Variants in CRB1 observed in about 807,000 individuals in gnomAD.
CRB1 encodes protein crumbs homolog 1.
CRB1 carries 83 observed loss-of-function variants against 120.0 expected under a neutral mutation model. The observed-to-expected ratio is 0.69, with a 90% CI of 0.58 to 0.83. The LOEUF is 0.83. Among genes scored for constraint, CRB1 ranks in the 40% least tolerant of loss-of-function variants. CRB1 has a pLI of 0.00. For synonymous variants in CRB1, 625 were observed against 612.5 expected (o/e 1.02, Z -0.30); for missense variants, 1,699 against 1,687.6 (o/e 1.01, Z -0.12).
intron 2 of CRB1, among the ~76,000 whole-genome samples, chr1:197,334,399 AGTATT>A (rs1000493544): frequency 1.3e-5 from 2 of 152,190 alleles, no homozygotes; most frequent in Non-Finnish European, 2.9e-5. Context: ...CCAATGCAAT[AGTATT>A]GGGAGGTGGG....
At chr1:197,236,555 TGAATAAGA>T in the CRB1 span, among the ~76,000 whole-genome samples, 21 of 152,282 alleles carry the variant, frequency 1.4e-4, no homozygotes, top group African/African-American at 4.8e-4. Context: ...AGCACCATGT[TGAATAAGA>T]GAGGTGAGGA....
chr1:197,389,299 T>C (rs1202772436), intron 5 of CRB1, among the ~76,000 whole-genome samples: 2 of 152,174 alleles, frequency 1.3e-5, no homozygotes. Flanking sequence ...CAAAATATGA[T>C]ATATATGGTA....
At chr1:197,394,364 A>G (rs926874752) in intron 5 of CRB1, among the ~76,000 whole-genome samples, 3 of 152,076 alleles carry the variant, frequency 2.0e-5, no homozygotes, top group Admixed American at 6.6e-5. Flanking sequence ...TTAATCATTT[A>G]TGTTATCAAT....
chr1:197,344,038 G>C (rs1447904945), intron 2 of CRB1, among the ~76,000 whole-genome samples: 1 of 152,166 alleles, frequency 6.6e-6, no homozygotes, highest in African/African-American at 2.4e-5. Context: ...TGACTTATTT[G>C]TTTTCACGGA....
At chr1:197,240,668 T>G in the CRB1 span, among the ~76,000 whole-genome samples, 1 of 152,196 alleles carries the variant, frequency 6.6e-6, no homozygotes, top group Non-Finnish European at 1.5e-5. Flanking sequence ...AGTGCTGCAG[T>G]AAACATATGT....
At chr1:197,393,754 GA>G (rs1553256828) in intron 5 of CRB1, among the ~76,000 whole-genome samples, 1 of 151,860 alleles carries the variant, frequency 6.6e-6, no homozygotes, top group Non-Finnish European at 1.5e-5. Context: ...TCATCAACAA[GA>G]ATAGAGTTTT....
At chr1:197,227,944 G>A in the CRB1 span, among the ~76,000 whole-genome samples, 2 of 152,316 alleles carry the variant, frequency 1.3e-5, no homozygotes, top group South Asian at 4.1e-4. Flanking sequence ...TGTGGAAGCT[G>A]CCAAGGTTTG....
intron 11 of CRB1, among the ~76,000 whole-genome samples, chr1:197,471,287 T>G (rs1331168210): frequency 6.6e-6 from 1 of 152,140 alleles, no homozygotes; most frequent in Non-Finnish European, 1.5e-5. Flanking sequence ...AGCCTTTATA[T>G]TGGATTCCTT....
rs751375346 is a variant in CRB1, at chr1:197,328,959, A to G, written c.608A>G (p.Asn203Ser). 6 of 1,614,128 alleles carry G rather than the reference A, an allele frequency of 3.7e-6. No individual in the cohort carries two copies. The highest frequency in any genetic ancestry group is 3.3e-5 in the South Asian group (3 of 91,086). The change falls in exon 2 of 12, where the codon AAT (asparagine) becomes AGT (serine). Residue 203 changes from asparagine to serine, a missense_variant. Transcript: ENST00000367400. ...TGCAAGAACGAGGCTACATGCCTCA[A>G]TGAAATAGGAAGATATACTTGTATC... ...DPCKNEATCL[N>S]EIGRYTCICP...
At chr1:197,393,777 A>G (rs1662630937) in intron 5 of CRB1, among the ~76,000 whole-genome samples, 2 of 145,456 alleles carry the variant, frequency 1.4e-5, no homozygotes, top group Admixed American at 6.8e-5. Flanking sequence ...ATAAAGATTA[A>G]GGCACATTTA....
the CRB1 span, among the ~76,000 whole-genome samples, chr1:197,202,089 G>A: frequency 6.6e-6 from 1 of 152,074 alleles, no homozygotes; most frequent in Non-Finnish European, 1.5e-5. Flanking sequence ...CAGGCATAAG[G>A]AATATAAGAT....
chr1:197,294,479 G>T (rs146173220), intron 1 of CRB1, among the ~76,000 whole-genome samples: 1 of 152,108 alleles, frequency 6.6e-6, no homozygotes, highest in African/African-American at 2.4e-5. Flanking sequence ...TAATTCAACC[G>T]TTGTGGAAGA....
At chr1:197,283,235 AT>A (rs925709650) in intron 1 of CRB1, among the ~76,000 whole-genome samples, 7 of 151,340 alleles carry the variant, frequency 4.6e-5, no homozygotes, top group African/African-American at 9.7e-5. Context: ...ACATTTTAGA[AT>A]TTTTTTTTCT....
At chr1:197,358,993 A>G (rs1660632724) in intron 5 of CRB1, among the ~76,000 whole-genome samples, 1 of 152,218 alleles carries the variant, frequency 6.6e-6, no homozygotes, top group Non-Finnish European at 1.5e-5. Context: ...CTACTATGTC[A>G]CATATTTTTA....
intron 11 of CRB1, among the ~76,000 whole-genome samples, chr1:197,470,475 T>G (rs182906703): frequency 2.0e-4 from 31 of 152,374 alleles, no homozygotes; most frequent in African/African-American, 6.7e-4. Context: ...AGCCATTATC[T>G]TTCAACAATA....
intron 1 of CRB1, chr1:197,304,291 A>G (rs1178958169): frequency 2.5e-6 from 1 of 397,426 alleles, no homozygotes; most frequent in Admixed American, 6.4e-5. Context: ...ATGCAATTAG[A>G]TATTTGATTT....
the CRB1 span, among the ~76,000 whole-genome samples, chr1:197,239,930 T>C: frequency 1.3e-5 from 2 of 150,492 alleles, no homozygotes; most frequent in Non-Finnish European, 3.0e-5. Context: ...ATGTCTATCA[T>C]AGTCTATTTG....
intron 1 of CRB1, among the ~76,000 whole-genome samples, chr1:197,306,932 C>G (rs1764793): frequency 0.016 from 2,484 of 152,224 alleles, 76 homozygotes; most frequent in African/African-American, 0.057. Flanking sequence ...TTCTTAGCAG[C>G]ACACTGAAAA....
chr1:197,412,223 G>T (rs559298951), intron 5 of CRB1, among the ~76,000 whole-genome samples: 1 of 152,286 alleles, frequency 6.6e-6, no homozygotes, highest in South Asian at 2.1e-4. Flanking sequence ...AATTCAATAA[G>T]TATGCCTTAT....
Sources: allele counts gnomAD v4.1 joint callset (sites outside exome capture counted in the v4.1 genomes callset), GRCh38; gene constraint gnomAD v4.1.1; transcripts MANE v1.5; gene names NCBI Gene and HGNC (gene_info 2026-07-23, HGNC 2026-07-21).